Variants in HNRNPH1 observed in about 807,000 individuals in gnomAD.
HNRNPH1 encodes heterogeneous nuclear ribonucleoprotein H.
In HNRNPH1, 4 loss-of-function variants were observed where a neutral mutation model predicts 58.6. The observed-to-expected ratio is 0.07, with a 90% CI of 0.03 to 0.16. HNRNPH1 has a LOEUF of 0.16. Ranked by LOEUF, HNRNPH1 falls within the 10% of genes least tolerant of loss-of-function variation. The pLI is 1.00. For synonymous variants in HNRNPH1, 192 were observed against 189.2 expected (o/e 1.01, Z -0.12); for missense variants, 271 against 564.2 (o/e 0.48, Z 5.26).
intron 3 of HNRNPH1, among the ~76,000 whole-genome samples, chr5:179,620,480 G>A (rs1771817295): frequency 6.6e-6 from 1 of 152,140 alleles, no homozygotes; most frequent in Admixed American, 6.5e-5. Flanking sequence ...AGATGCTTCT[G>A]GTCACATGAC....
upstream of HNRNPH1, among the ~76,000 whole-genome samples, chr5:179,628,839 G>T (rs1438174773): frequency 6.6e-6 from 1 of 151,970 alleles, no homozygotes; most frequent in Non-Finnish European, 1.5e-5. Context: ...AAATTAACCG[G>T]GTGTGGTGGC....
chr5:179,616,636 C>T, intron 10 of HNRNPH1: 1 of 554,066 alleles, frequency 1.8e-6, no homozygotes, highest in Non-Finnish European at 3.2e-6. Flanking sequence ...TAAGTAGTTT[C>T]ACTCCGTAGT....
exon 11 of HNRNPH1, chr5:179,616,148 G>A (rs769953300): frequency 3.1e-6 from 5 of 1,613,888 alleles, no homozygotes; most frequent in Non-Finnish European, 4.2e-6. Flanking sequence ...TGCTGCTCTG[G>A]CCACCGTAGC....
intron 2 of HNRNPH1, among the ~76,000 whole-genome samples, chr5:179,633,208 T>A (rs1367212132): frequency 1.3e-5 from 2 of 151,718 alleles, no homozygotes; most frequent in Non-Finnish European, 1.5e-5. Context: ...GTCATGCTGG[T>A]GTTGAACTCC....
At chr5:179,626,077 G>A (rs1774367148), upstream of HNRNPH1, among the ~76,000 whole-genome samples, 1 of 151,408 alleles carries the variant, frequency 6.6e-6, no homozygotes, top group South Asian at 2.1e-4. Context: ...ACAGGTGTGA[G>A]CCACCATGGC....
chr5:179,621,115 AG>A (rs917843565), intron 2 of HNRNPH1, 80 bp from the exon 4 acceptor site: 9 of 1,540,742 alleles, frequency 5.8e-6, no homozygotes, highest in Non-Finnish European at 8.0e-6. Context: ...TAGATAAGCT[AG>A]GAAGAGCTGC....
At chr5:179,618,081 A>T (rs567749303) in intron 5 of HNRNPH1, 21 bp from the exon 7 acceptor site, 1 of 1,613,656 alleles carries the variant, frequency 6.2e-7, no homozygotes, top group South Asian at 1.1e-5. Flanking sequence ...AAGTACAATC[A>T]ATCAAATAAA....
intron 2 of HNRNPH1, among the ~76,000 whole-genome samples, chr5:179,632,166 GGCGTGGTGGCGGGT>G (rs1774889755): frequency 6.6e-6 from 1 of 152,114 alleles, no homozygotes; most frequent in Admixed American, 6.5e-5. Context: ...AAATTATCCG[GGCGTGGTGGCGGGT>G]GCCTGTAGTC....
At chr5:179,627,700 A>G (rs137975455), upstream of HNRNPH1, among the ~76,000 whole-genome samples, 283 of 152,062 alleles carry the variant, frequency 1.9e-3, no homozygotes, top group Non-Finnish European at 3.7e-3. Flanking sequence ...AGGTGGGTGG[A>G]TAACTTGATG....
chr5:179,631,963 G>A (rs910324631), intron 2 of HNRNPH1, among the ~76,000 whole-genome samples: 1 of 152,072 alleles, frequency 6.6e-6, no homozygotes, highest in Non-Finnish European at 1.5e-5. Context: ...AGCATCGGCC[G>A]CCTCCGGGAC....
At chr5:179,619,483 G>A in intron 3 of HNRNPH1, 76 bp from the exon 5 acceptor site, 1 of 1,389,216 alleles carries the variant, frequency 7.2e-7, no homozygotes, top group Non-Finnish European at 9.9e-7. Context: ...TCTTCTTATA[G>A]CTTTAAATAA....
At chr5:179,615,444 C>T in intron 12 of HNRNPH1, 102 bp downstream of exon 13, 2 of 613,646 alleles carry the variant, frequency 3.3e-6, no homozygotes, top group Non-Finnish European at 5.7e-6. Flanking sequence ...AAATGGCAGC[C>T]TCCATGGAGT....
intron 7 of HNRNPH1, 72 bp downstream of exon 8, chr5:179,617,727 C>A: frequency 6.2e-7 from 1 of 1,603,722 alleles, no homozygotes; most frequent in Non-Finnish European, 8.5e-7. Flanking sequence ...TAACATAGTG[C>A]TCACATTTAT....
chr5:179,628,151 T>C (rs760964756), upstream of HNRNPH1, among the ~76,000 whole-genome samples: 5 of 151,908 alleles, frequency 3.3e-5, no homozygotes, highest in Non-Finnish European at 7.4e-5. Flanking sequence ...TTTGGACATA[T>C]AGAAGTTTTA....
intron 3 of HNRNPH1, chr5:179,619,867 A>G (rs1044025248): frequency 2.6e-5 from 4 of 152,450 alleles, no homozygotes; most frequent in Admixed American, 6.5e-5. Flanking sequence ...ACATTAAATT[A>G]TAATTGACAA....
exon 13 of HNRNPH1, chr5:179,614,597 A>G (rs1202541976): frequency 3.0e-6 from 1 of 329,814 alleles, no homozygotes; most frequent in African/African-American, 2.1e-5. Flanking sequence ...CCTATAACTA[A>G]CTTGAGAAAA....
chr5:179,619,227 C>T (rs772023395), intron 4 of HNRNPH1, 42 bp downstream of exon 5: 1 of 1,520,930 alleles, frequency 6.6e-7, no homozygotes, highest in Admixed American at 1.8e-5. Flanking sequence ...TAATTGTTTA[C>T]CATAAGAAAA....
upstream of HNRNPH1, among the ~76,000 whole-genome samples, chr5:179,626,751 GTGGTCTT>G: frequency 6.7e-6 from 1 of 148,970 alleles, no homozygotes. Context: ...TCTTGCCTCA[GTGGTCTT>G]TATGTCTTGG....
At chr5:179,626,851 C>A (rs1196887752), upstream of HNRNPH1, among the ~76,000 whole-genome samples, 16 of 150,230 alleles carry the variant, frequency 1.1e-4, no homozygotes, top group Admixed American at 1.1e-3. Flanking sequence ...TCTCCGCTCA[C>A]TGCAAGCTCC....
Sources: allele counts gnomAD v4.1 joint callset (sites outside exome capture counted in the v4.1 genomes callset), GRCh38; gene constraint gnomAD v4.1.1; transcripts MANE v1.5; gene names NCBI Gene and HGNC (gene_info 2026-07-23, HGNC 2026-07-21).